The following PTPRO variants were observed in gnomAD, a reference collection of about 807,000 sequenced individuals.
PTPRO encodes the protein protein tyrosine phosphatase receptor type O.
In PTPRO, 62 loss-of-function variants were observed where a neutral mutation model predicts 145.2. That is an observed-to-expected ratio of 0.43 (90% CI 0.35 to 0.53). The LOEUF is 0.53. Ranked by LOEUF, PTPRO falls within the 20% of genes least tolerant of loss-of-function variation. PTPRO has a pLI of 0.01. For synonymous variants in PTPRO, 565 were observed against 514.7 expected (o/e 1.10, Z -1.32); for missense variants, 1,345 against 1,482.7 (o/e 0.91, Z 1.53).
intron 9 of PTPRO, among the ~76,000 whole-genome samples, chr12:15,519,955 A>G (rs1817985681): frequency 6.6e-6 from 1 of 152,216 alleles, no homozygotes; most frequent in South Asian, 2.1e-4. Context: ...GCAAAATCAA[A>G]CAAATATTGG....
At chr12:15,388,684 C>A (rs1407228328) in intron 1 of PTPRO, among the ~76,000 whole-genome samples, 1 of 152,148 alleles carries the variant, frequency 6.6e-6, no homozygotes, top group Admixed American at 6.6e-5. Context: ...AATCTAGTGA[C>A]AATTTCAGTG....
intron 1 of PTPRO, among the ~76,000 whole-genome samples, chr12:15,369,478 A>G (rs1282591705): frequency 6.6e-6 from 1 of 152,128 alleles, no homozygotes; most frequent in Non-Finnish European, 1.5e-5. Flanking sequence ...AATCCATCCA[A>G]TTTTACTTTC....
intron 1 of PTPRO, among the ~76,000 whole-genome samples, chr12:15,438,550 G>T (rs925691849): frequency 4.6e-5 from 7 of 151,802 alleles, no homozygotes; most frequent in Non-Finnish European, 7.4e-5. Flanking sequence ...CTCACGTAAA[G>T]AATTCCAAAA....
At chr12:15,367,445 T>A (rs1157847988) in intron 1 of PTPRO, among the ~76,000 whole-genome samples, 1 of 152,160 alleles carries the variant, frequency 6.6e-6, no homozygotes, top group African/African-American at 2.4e-5. Flanking sequence ...ATAAAGCAAA[T>A]TAGCTAGTAG....
intron 6 of PTPRO, among the ~76,000 whole-genome samples, chr12:15,507,453 G>T (rs201889165): frequency 1.2e-4 from 10 of 85,060 alleles, no homozygotes; most frequent in African/African-American, 3.2e-4. Flanking sequence ...AAATAAATAA[G>T]GAATGAAATA....
chr12:15,569,227 T>C (rs1943979985), intron 18 of PTPRO, among the ~76,000 whole-genome samples, 190 bp from the exon 19 acceptor site: 1 of 152,174 alleles, frequency 6.6e-6, no homozygotes. Flanking sequence ...TGGATATATA[T>C]GCCCTTCTTT....
In PTPRO at chr12:15,597,791, C is replaced by G. The variant is rs562733941; in HGVS notation, c.*1718C>G. Among the ~76,000 whole-genome samples, 1 of 152,166 alleles carries G rather than the reference C, an allele frequency of 6.6e-6. No homozygotes were observed. Among genetic ancestry groups the G allele is most frequent in the African/African-American group, 2.4e-5 (1 of 41,432 alleles). ...CCACCTCCTCCTCTTCTTCTCACCC[C>G]CGACTCCTTTATTTCCCTTTTTGGA... On this transcript the variant is annotated 3_prime_UTR_variant, in exon 27 of 27. Coordinates refer to ENST00000281171, the MANE Select transcript of PTPRO (RefSeq NM_030667.3).
At chr12:15,533,995 G>T (rs900351528) in intron 12 of PTPRO, among the ~76,000 whole-genome samples, 15 of 152,046 alleles carry the variant, frequency 9.9e-5, no homozygotes, top group African/African-American at 3.4e-4. Flanking sequence ...CATGTGCAAG[G>T]GTAGAGAGCC....
At chr12:15,432,747 T>C (rs1940479566) in intron 1 of PTPRO, among the ~76,000 whole-genome samples, 1 of 152,268 alleles carries the variant, frequency 6.6e-6, no homozygotes, top group African/African-American at 2.4e-5. Context: ...ATTTCTCTAA[T>C]AATCAGTGAT....
intron 19 of PTPRO, among the ~76,000 whole-genome samples, chr12:15,573,125 G>T (rs957528350): frequency 2.0e-5 from 3 of 152,118 alleles, no homozygotes; most frequent in African/African-American, 7.2e-5. Flanking sequence ...CTATTTTAAG[G>T]TATTGGCTTT....
intron 1 of PTPRO, among the ~76,000 whole-genome samples, chr12:15,460,273 G>A (rs1409522833): frequency 2.6e-5 from 4 of 152,250 alleles, no homozygotes; most frequent in South Asian, 4.2e-4. Flanking sequence ...AGCAGCATTA[G>A]CACCACATAG....
rs550047791 is a variant in PTPRO at position 15,443,885 on chromosome 12, G to A, written c.76-40089G>A. 2.4e-4 allele frequency among the ~76,000 whole-genome samples: 36 copies of A among 152,184 alleles called. No individual in the cohort carries two copies. The South Asian group carries it at 7.3e-3, about 31-fold the overall frequency. The stretch of plus-strand genomic sequence containing the variant: ...AAAAGGGAATGTTCCTACACTGTTG[G>A]TGGGAATGTAAATCAGCTCTGCCAA... On this transcript the variant is annotated intron_variant, in intron 1 of 26. Coordinates refer to ENST00000281171, the MANE Select transcript of PTPRO (RefSeq NM_030667.3).
chr12:15,436,034 C>T (rs1940586381), intron 1 of PTPRO, among the ~76,000 whole-genome samples: 1 of 152,174 alleles, frequency 6.6e-6, no homozygotes, highest in African/African-American at 2.4e-5. Context: ...CTACTGGATA[C>T]ATAACGAAAT....
intron 1 of PTPRO, among the ~76,000 whole-genome samples, chr12:15,342,801 A>C (rs1867047444): frequency 6.6e-6 from 1 of 152,170 alleles, no homozygotes; most frequent in African/African-American, 2.4e-5. Flanking sequence ...TTAGTATGTC[A>C]AGCTGTTGCT....
chr12:15,543,285 C>A (rs561293652), intron 12 of PTPRO, among the ~76,000 whole-genome samples: 1 of 152,180 alleles, frequency 6.6e-6, no homozygotes, highest in Admixed American at 6.5e-5. Flanking sequence ...AAATTTGTTA[C>A]GTGGTTGTTA....
intron 1 of PTPRO, among the ~76,000 whole-genome samples, chr12:15,418,790 A>G (rs568029507): frequency 6.6e-6 from 1 of 151,924 alleles, no homozygotes; most frequent in Admixed American, 6.5e-5. Flanking sequence ...CCAGATTCTT[A>G]CTTTAACATC....
intron 4 of PTPRO, among the ~76,000 whole-genome samples, chr12:15,500,612 G>T (rs1488549695): frequency 6.6e-6 from 1 of 152,156 alleles, no homozygotes; most frequent in Non-Finnish European, 1.5e-5. Context: ...AAAGGAAGGA[G>T]AGATAAATTT....
At chr12:15,424,197 G>T (rs557756136) in intron 1 of PTPRO, among the ~76,000 whole-genome samples, 29 of 152,248 alleles carry the variant, frequency 1.9e-4, no homozygotes, top group African/African-American at 7.0e-4. Context: ...TACATAGAGT[G>T]TATTCTATTT....
At chr12:15,541,757 A>G (rs747652769) in intron 12 of PTPRO, among the ~76,000 whole-genome samples, 1 of 152,174 alleles carries the variant, frequency 6.6e-6, no homozygotes, top group African/African-American at 2.4e-5. Context: ...TACGCCTGTA[A>G]TCCCAAAACT....
Sources: gnomAD v4.1 joint callset for allele counts (sites outside exome capture counted in the v4.1 genomes callset) on GRCh38, gnomAD v4.1.1 for gene constraint, MANE v1.5 for transcripts, NCBI Gene and HGNC (gene_info 2026-07-23, HGNC 2026-07-21) for gene names.